FEM1C: variants seen among roughly 807,000 people sequenced by gnomAD.
The protein encoded by FEM1C is fem-1 homolog C.
Under a neutral mutation model 37.6 loss-of-function variants are expected in FEM1C, and 15 were observed. The observed-to-expected ratio is 0.40, with a 90% CI of 0.27 to 0.61. FEM1C has a LOEUF of 0.61. Ranked by LOEUF, FEM1C falls within the 20% of genes least tolerant of loss-of-function variation. The pLI, the probability that FEM1C is intolerant of heterozygous loss-of-function variation, is 0.42. For synonymous variants in FEM1C, 287 were observed against 272.8 expected (o/e 1.05, Z -0.51); for missense variants, 532 against 749.7 (o/e 0.71, Z 3.39).
At chr5:115,537,817 G>C (rs572211441) in intron 2 of FEM1C, among the ~76,000 whole-genome samples, 33 of 152,090 alleles carry the variant, frequency 2.2e-4, no homozygotes, top group African/African-American at 7.7e-4. Context: ...AGAAGGAAAA[G>C]AGAACTTCAG....
At chr5:115,540,729 G>A (rs1267638663) in intron 2 of FEM1C, among the ~76,000 whole-genome samples, 5 of 152,158 alleles carry the variant, frequency 3.3e-5, no homozygotes, top group African/African-American at 4.8e-5. Context: ...AGAAGCTTTG[G>A]AAAATATAAC....
chr5:115,524,331 T>C lies in FEM1C; in HGVS notation c.1831A>G (p.Thr611Ala), dbSNP rs755500670. 2 of 1,613,140 alleles carry C rather than the reference T, an allele frequency of 1.2e-6. No individual in the cohort carries two copies. Among genetic ancestry groups the C allele is most frequent in the South Asian group, 1.1e-5 (1 of 91,046 alleles). Reference sequence around the variant, plus strand: ...TATCATCTATGAAGGGAAACAAAAGTCTCTAGCTTTTCTGGGATATGCCCT... The same window carrying C: ...TATCATCTATGAAGGGAAACAAAAGCCTCTAGCTTTTCTGGGATATGCCCT... ...YKGHIPEKLE[T>A]FVSLHR is the part of the protein sequence containing the mutation. The change falls in exon 3 of 3, where the codon ACT (threonine) becomes GCT (alanine). Residue 611 changes from threonine to alanine, a missense_variant. Thr to Ala is a moderately conservative substitution (Grantham distance 58). Around this residue, in one of 3 missense-constraint regions of FEM1C, gnomAD observed 237 missense variants for 260.5 expected, o/e 0.91. Coordinates refer to ENST00000274457, the MANE Select transcript of FEM1C (RefSeq NM_020177.3).
chr5:115,543,874 A>G, intron 1 of FEM1C, 191 bp from the exon 2 acceptor site: 2 of 985,048 alleles, frequency 2.0e-6, no homozygotes, highest in Non-Finnish European at 2.4e-6. Context: ...AGAGACCCAA[A>G]TGTTCTGGTC....
intron 2 of FEM1C, among the ~76,000 whole-genome samples, chr5:115,541,306 G>A (rs1754236163): frequency 6.6e-6 from 1 of 151,752 alleles, no homozygotes; most frequent in Non-Finnish European, 1.5e-5. Context: ...CTGAGTACTG[G>A]GATTTTGTGG....
chr5:115,539,881 A>G (rs555739129), intron 2 of FEM1C, among the ~76,000 whole-genome samples: 1 of 152,118 alleles, frequency 6.6e-6, no homozygotes, highest in South Asian at 2.1e-4. Flanking sequence ...TAGCCTGTTA[A>G]AAAGTAATGA....
rs1226197551 is a variant in FEM1C, at chr5:115,522,941, G to C, written c.*1367C>G. ...CATTAGCAAATCTGTGAGTGAGTGA[G>C]TGAGAGAGAGAGAGAGAGAGAAAGA... On this transcript the variant is annotated 3_prime_UTR_variant, in exon 3 of 3. Transcript: ENST00000274457. The C allele has an allele frequency of 6.6e-6, 1 of 151,714 alleles. No homozygotes were observed. The highest frequency in any genetic ancestry group is 1.5e-5 in the Non-Finnish European group (1 of 67,750). The allele number at this position is 151,714 out of a possible 1,614,324, so 9.4% of individuals were successfully genotyped here. A position where few individuals can be genotyped will look rare whatever the true frequency, so the allele number is the denominator to read the frequency against.
chr5:115,525,130 T>C lies in FEM1C; in HGVS notation c.1032A>G (p.Arg344=). 4 of 1,613,806 alleles carry C rather than the reference T, an allele frequency of 2.5e-6. No homozygotes were observed. The highest frequency in any genetic ancestry group is 3.4e-6 in the Non-Finnish European group (4 of 1,179,860). Residue 344 remains arginine (R), a synonymous_variant, in exon 3 of 3, where the codon AGA becomes AGG. Transcript: ENST00000274457. ...TTCCAGAGTCTGCATAGACAGCGCC[T>C]CTATATCTAATATAGTAAGAGGTAT... The part of the protein sequence containing the change: ...HPDTSYYIRY[R]GAVYADSGNF...
rs1409299550 is a variant in FEM1C at position 115,543,329 on chromosome 5, G to C, written c.165C>G (p.Asp55Glu). The C allele has an allele frequency of 1.9e-6, 3 of 1,614,196 alleles. No homozygotes were observed. Among genetic ancestry groups the C allele is most frequent in the Non-Finnish European group, 1.7e-6 (2 of 1,180,042 alleles). Residue 55 changes from aspartate (D) to glutamate (E), a missense_variant, in exon 2 of 3, where the codon GAC (aspartate) becomes GAG (glutamate). Asp to Glu is a conservative substitution (Grantham distance 45, BLOSUM62 2). Around this residue, in one of 3 missense-constraint regions of FEM1C, gnomAD observed 74 missense variants for 85.0 expected, o/e 0.87. Coordinates refer to ENST00000274457, the MANE Select transcript of FEM1C (RefSeq NM_020177.3). ...LLMAARYGHL[D>E]MVEFLLEQCS... ...ATTGCTCTAGGAGGAATTCCACCAT[G>C]TCAAGGTGCCCATACCTGGCGGCCA...
In FEM1C at chr5:115,543,134, A is replaced by T. The variant is rs772286001; in HGVS notation, c.360T>A (p.Leu120=). 1.9e-6 allele frequency: 3 copies of T among 1,614,212 alleles called. No individual in the cohort carries two copies. The Admixed American group carries it at 5.0e-5, about 27-fold the overall frequency. Residue 120 remains leucine (L), a synonymous_variant, in exon 2 of 3, where the codon CTT becomes CTA. Transcript: ENST00000274457. ...AATGGCCATCGAAACACGCAGCTCG[A>T]AGAGGAGTTGAATTGGTTAAAGTCG... is the stretch of plus-strand genomic sequence containing the variant. ...NNTTLTNSTP[L]RAACFDGHLE...
At chr5:115,532,192 A>G (rs1754028989) in intron 2 of FEM1C, among the ~76,000 whole-genome samples, 1 of 152,106 alleles carries the variant, frequency 6.6e-6, no homozygotes, top group African/African-American at 2.4e-5. Flanking sequence ...TACTATTATA[A>G]TACCTTACAC....
In FEM1C at chr5:115,525,347, G is replaced by T. The variant is rs1753868513; in HGVS notation, c.815C>A (p.Ala272Glu). The change falls in exon 3 of 3, where the codon GCA becomes GAA. Residue 272 changes from alanine to glutamate, a missense_variant. Physicochemically the swap from Ala to Glu is moderately radical, Grantham distance 107. Around this residue, in one of 3 missense-constraint regions of FEM1C, gnomAD observed 221 missense variants for 404.1 expected, o/e 0.55. Coordinates refer to ENST00000274457, the MANE Select transcript of FEM1C (RefSeq NM_020177.3). ...CCTATCACTGTACCTCATGTTCATTGCCTTTTTCCAGTATTTCAAAGCCCC... is the reference window on the plus strand; with the variant it reads ...CCTATCACTGTACCTCATGTTCATTTCCTTTTTCCAGTATTTCAAAGCCCC... ...LLGALKYWKK[A>E]MNMRYSDRTN... The T allele has an allele frequency of 6.2e-7, 1 of 1,613,468 alleles. No individual in the cohort carries two copies. Among genetic ancestry groups the T allele is most frequent in the South Asian group, 1.1e-5 (1 of 91,070 alleles).
chr5:115,528,694 AT>A (rs1192161605), intron 2 of FEM1C, among the ~76,000 whole-genome samples: 3 of 152,130 alleles, frequency 2.0e-5, no homozygotes, highest in African/African-American at 7.2e-5. Context: ...AATGCTTGGT[AT>A]CCAATCAAAA....
intron 2 of FEM1C, among the ~76,000 whole-genome samples, chr5:115,537,025 A>G (rs950402140): frequency 1.3e-5 from 2 of 152,030 alleles, no homozygotes. Flanking sequence ...AAACTTCAAC[A>G]TTATAATTCC....
At chr5:115,526,311 T>A (rs1753890576) in intron 2 of FEM1C, among the ~76,000 whole-genome samples, 1 of 152,190 alleles carries the variant, frequency 6.6e-6, no homozygotes, top group African/African-American at 2.4e-5. Context: ...CAAAAAGCTC[T>A]CGTAAGAAAA....
intron 2 of FEM1C, among the ~76,000 whole-genome samples, chr5:115,542,725 AAG>A (rs1754266599): frequency 6.6e-6 from 1 of 152,238 alleles, no homozygotes; most frequent in East Asian, 1.9e-4. Flanking sequence ...TACTCCAAAT[AAG>A]AGAGAAAATA....
chr5:115,524,491 T>G lies in FEM1C; in HGVS notation c.1671A>C (p.Thr557=), dbSNP rs1753842759. The part of the protein sequence containing the change: ...LIKSGAHFDA[T]NLHKQTASDL... ...CACTAGCAGTTTGTTTGTGCAAGTTTGTGGCATCAAAATGTGCACCTGATT... is the reference window on the plus strand; with the variant it reads ...CACTAGCAGTTTGTTTGTGCAAGTTGGTGGCATCAAAATGTGCACCTGATT... The change falls in exon 3 of 3, where the codon ACA becomes ACC. Residue 557 remains threonine, a synonymous_variant. Transcript: ENST00000274457. 3 of 1,612,854 alleles carry G rather than the reference T, an allele frequency of 1.9e-6. No individual in the cohort carries two copies. The highest frequency in any genetic ancestry group is 2.5e-6 in the Non-Finnish European group (3 of 1,179,442).
At chr5:115,541,958 T>A (rs1177424634) in intron 2 of FEM1C, among the ~76,000 whole-genome samples, 1 of 152,124 alleles carries the variant, frequency 6.6e-6, no homozygotes, top group African/African-American at 2.4e-5. Flanking sequence ...GACTTTTTAT[T>A]CAAATGTAAA....
intron 2 of FEM1C, among the ~76,000 whole-genome samples, chr5:115,541,828 A>T (rs1754247600): frequency 6.6e-6 from 1 of 152,160 alleles, no homozygotes; most frequent in African/African-American, 2.4e-5. Flanking sequence ...GGCTACACAA[A>T]CAAGCATGCT....
At chr5:115,529,662 T>G (rs1453381592) in intron 2 of FEM1C, among the ~76,000 whole-genome samples, 1 of 152,066 alleles carries the variant, frequency 6.6e-6, no homozygotes, top group Non-Finnish European at 1.5e-5. Flanking sequence ...AATAATATCT[T>G]GTAGGGCTTG....
Sources: gnomAD v4.1 joint callset for allele counts (sites outside exome capture counted in the v4.1 genomes callset) on GRCh38, gnomAD v4.1.1 for gene constraint, gnomAD v4.1.1 regional missense constraint, MANE v1.5 for transcripts, NCBI Gene and HGNC (gene_info 2026-07-23, HGNC 2026-07-21) for gene names.